KIF13A: variants seen among roughly 807,000 people sequenced by gnomAD.
KIF13A encodes kinesin-like protein KIF13A.
In KIF13A, 79 loss-of-function variants were observed where a neutral mutation model predicts 212.2. That is an observed-to-expected ratio of 0.37 (90% CI 0.31 to 0.45). The LOEUF is 0.45. Ranked by LOEUF, KIF13A falls within the 20% of genes least tolerant of loss-of-function variation. The pLI, the probability that KIF13A is intolerant of heterozygous loss-of-function variation, is 1.00. For missense variants in KIF13A, 1,901 were observed against 2,209.0 expected (o/e 0.86, Z 2.79); for synonymous variants, 789 against 808.6 (o/e 0.98, Z 0.41).
At chr6:17,906,120 A>T (rs1331502236) in intron 2 of KIF13A, among the ~76,000 whole-genome samples, 1 of 152,158 alleles carries the variant, frequency 6.6e-6, no homozygotes, top group African/African-American at 2.4e-5. Flanking sequence ...TGAAAATTTT[A>T]AAAAAGAGAG....
At position 17,897,202 on chromosome 6, in the gene KIF13A, G is replaced by T. The variant is rs1002902192; in HGVS notation, c.159+966C>A. 1.1e-4 allele frequency among the ~76,000 whole-genome samples: 16 copies of T among 152,110 alleles called. No homozygotes were observed. The highest frequency in any genetic ancestry group is 2.2e-4 in the Non-Finnish European group (15 of 68,040). Reference sequence around the variant, plus strand: ...TTTAATGGGTTTCCATAATCCAAGAGCTAAGATGGATTGTTCTTCATAACC... The same window carrying T: ...TTTAATGGGTTTCCATAATCCAAGATCTAAGATGGATTGTTCTTCATAACC... On this transcript the variant is annotated intron_variant, in intron 3 of 38. Transcript: ENST00000259711. The surrounding 1 kb of genome is among the most constrained non-coding windows in gnomAD (Gnocchi z 4.8).
chr6:17,933,698 A>C (rs150268601), intron 2 of KIF13A, among the ~76,000 whole-genome samples: 69 of 152,326 alleles, frequency 4.5e-4, no homozygotes, highest in African/African-American at 1.6e-3. Flanking sequence ...AAAAGCAACT[A>C]CTTTAACAAG....
rs1272454043 is a variant in KIF13A, at chr6:17,786,564, C to T, written c.3362-923G>A. The stretch of plus-strand genomic sequence containing the variant: ...GCAGTGGGCCAAGATCATGCCACTG[C>T]ACTCCAGCCTGGGCGACAGAGGGAG... On this transcript the variant is annotated intron_variant, in intron 27 of 38. Coordinates refer to ENST00000259711, the MANE Select transcript of KIF13A (RefSeq NM_022113.6). This position sits in a 1 kb window ranked among gnomAD's most constrained non-coding sequence, Gnocchi z 5.4. Among the ~76,000 whole-genome samples, 1 of 152,082 alleles carries T rather than the reference C, an allele frequency of 6.6e-6. No individual in the cohort carries two copies. Among genetic ancestry groups the T allele is most frequent in the Non-Finnish European group, 1.5e-5 (1 of 68,024 alleles).
chr6:17,939,595 T>A (rs984575122), intron 2 of KIF13A, among the ~76,000 whole-genome samples: 1 of 152,106 alleles, frequency 6.6e-6, no homozygotes, highest in African/African-American at 2.4e-5. Flanking sequence ...CAGGATGAGG[T>A]AGGCGGTCTG....
Position 17,825,407 on chromosome 6 carries a change from T to A in KIF13A, c.1786+361A>T, listed in dbSNP as rs1006737212. Among the ~76,000 whole-genome samples the A allele has an allele frequency of 1.3e-5, 2 of 152,250 alleles. No homozygotes were observed. Among genetic ancestry groups the A allele is most frequent in the African/African-American group, 4.8e-5 (2 of 41,478 alleles). The stretch of plus-strand genomic sequence containing the variant: ...ATTTGAAATTCCTGAATTTATATTC[T>A]GTTGGGGATTTTCACATTCTCAAGG... On this transcript the variant is annotated intron_variant, in intron 16 of 38. Coordinates refer to ENST00000259711, the MANE Select transcript of KIF13A (RefSeq NM_022113.6). This position sits in a 1 kb window ranked among gnomAD's most constrained non-coding sequence, Gnocchi z 4.5.
intron 2 of KIF13A, among the ~76,000 whole-genome samples, chr6:17,976,745 C>T (rs546660147): frequency 4.4e-4 from 67 of 151,588 alleles, no homozygotes; most frequent in African/African-American, 1.6e-3. Flanking sequence ...CACGCTGTCA[C>T]CTCTCAAAAT....
At chr6:17,847,457 T>C (rs1767186761) in intron 9 of KIF13A, among the ~76,000 whole-genome samples, 1 of 152,210 alleles carries the variant, frequency 6.6e-6, no homozygotes, top group South Asian at 2.1e-4. Flanking sequence ...GCTGTGTCCA[T>C]CTGATAGAGG....
chr6:17,879,180 A>C (rs1306898309), intron 3 of KIF13A, among the ~76,000 whole-genome samples: 1 of 152,128 alleles, frequency 6.6e-6, no homozygotes, highest in Non-Finnish European at 1.5e-5. Flanking sequence ...CTCCCTTGAC[A>C]CTGATTTACA....
At chr6:17,865,494 G>C (rs1018243065) in intron 4 of KIF13A, among the ~76,000 whole-genome samples, 1 of 152,164 alleles carries the variant, frequency 6.6e-6, no homozygotes, top group African/African-American at 2.4e-5. Flanking sequence ...CCTGGACAGC[G>C]CAAGACCAGA....
intron 22 of KIF13A, among the ~76,000 whole-genome samples, chr6:17,797,673 A>G (rs1762160945): frequency 1.3e-5 from 2 of 152,154 alleles, no homozygotes; most frequent in Admixed American, 1.3e-4. Context: ...AGGCAGGAGG[A>G]TAGCTGGACA....
At chr6:17,974,143 G>C (rs982960284) in intron 2 of KIF13A, among the ~76,000 whole-genome samples, 2 of 152,074 alleles carry the variant, frequency 1.3e-5, no homozygotes, top group African/African-American at 4.8e-5. Flanking sequence ...GTGCAATGGC[G>C]TGATCTCAGC....
downstream of KIF13A, among the ~76,000 whole-genome samples, chr6:17,762,347 G>T (rs897666528): frequency 4.6e-5 from 7 of 151,960 alleles, no homozygotes; most frequent in Non-Finnish European, 7.4e-5. Context: ...CGAGTAGCTG[G>T]GACTACAAGC....
chr6:17,825,678 G>T lies in KIF13A; in HGVS notation c.1786+90C>A. The T allele has an allele frequency of 8.2e-7, 1 of 1,216,670 alleles. No homozygotes were observed. Among genetic ancestry groups the T allele is most frequent in the Non-Finnish European group, 1.2e-6 (1 of 865,098 alleles). The allele number at this position is 1,216,670 out of a possible 1,614,324, so 75.4% of individuals were successfully genotyped here. Reference sequence around the variant, plus strand: ...TTTATGTGTTTAAAATGTGGAATGCGGAATGACACCTGATGCATGCTTATC... The same window carrying T: ...TTTATGTGTTTAAAATGTGGAATGCTGAATGACACCTGATGCATGCTTATC... On this transcript the variant is annotated intron_variant, in intron 16 of 38. Coordinates refer to ENST00000259711, the MANE Select transcript of KIF13A (RefSeq NM_022113.6). This position sits in a 1 kb window ranked among gnomAD's most constrained non-coding sequence, Gnocchi z 4.5.
At position 17,794,727 on chromosome 6, in the gene KIF13A, G is replaced by C; in HGVS notation, c.2943-23C>G. The C allele has an allele frequency of 6.3e-7, 1 of 1,599,082 alleles. No individual in the cohort carries two copies. The highest frequency in any genetic ancestry group is 8.5e-7 in the Non-Finnish European group (1 of 1,175,948). On this transcript the variant is annotated intron_variant, in intron 23 of 38. Transcript: ENST00000259711. The surrounding 1 kb of genome is among the most constrained non-coding windows in gnomAD (Gnocchi z 4.1). The stretch of plus-strand genomic sequence containing the variant: ...CACCTGCAGAAACACATTCCAACAA[G>C]CAAGAGCGTCATCGTCCAGGGATAC...
In KIF13A at chr6:17,786,232, T is replaced by C. The variant is rs1180965324; in HGVS notation, c.3362-591A>G. Among the ~76,000 whole-genome samples the C allele has an allele frequency of 2.0e-5, 3 of 152,194 alleles. No homozygotes were observed. Among genetic ancestry groups the C allele is most frequent in the Non-Finnish European group, 4.4e-5 (3 of 68,046 alleles). ...AGTCGTATCTACTTCATGTACTTGC[T>C]GGAAGGATCAAATGAAATACGGATG... On this transcript the variant is annotated intron_variant, in intron 27 of 38. Transcript: ENST00000259711. The surrounding 1 kb of genome is among the most constrained non-coding windows in gnomAD (Gnocchi z 5.4).
intron 2 of KIF13A, among the ~76,000 whole-genome samples, chr6:17,928,777 A>G (rs1462762503): frequency 2.6e-5 from 4 of 152,196 alleles, no homozygotes; most frequent in Admixed American, 6.5e-5. Context: ...TGATGGTTAA[A>G]AAGATGTTCA....
chr6:17,797,424 A>G (rs1271323992), intron 22 of KIF13A, among the ~76,000 whole-genome samples: 1 of 152,218 alleles, frequency 6.6e-6, no homozygotes, highest in Non-Finnish European at 1.5e-5. Context: ...ACATCGTCTT[A>G]CACTTGGTTC....
rs1239726725 is a variant in KIF13A, at chr6:17,826,506, C to T, written c.1533-382G>A. On this transcript the variant is annotated intron_variant, in intron 14 of 38. Transcript: ENST00000259711. The surrounding 1 kb of genome is among the most constrained non-coding windows in gnomAD (Gnocchi z 4.7). Reference sequence around the variant, plus strand: ...TGGGATGCAGTGAGCAAAATCCTGACTGTGGGAACCTCTAGGATCAACAAT... The same window carrying T: ...TGGGATGCAGTGAGCAAAATCCTGATTGTGGGAACCTCTAGGATCAACAAT... Among the ~76,000 whole-genome samples the T allele has an allele frequency of 2.0e-5, 3 of 152,242 alleles. No homozygotes were observed. The highest frequency in any genetic ancestry group is 3.4e-3 in the Middle Eastern group (1 of 294).
intron 3 of KIF13A, among the ~76,000 whole-genome samples, chr6:17,876,623 G>GCAATCATTCATTCATTCATT: frequency 6.6e-6 from 1 of 150,760 alleles, no homozygotes; most frequent in South Asian, 2.1e-4. Flanking sequence ...GTGTGAGACA[G>GCAATCATTCATTCATTCATT]CATTCATTCA....
Sources: allele counts gnomAD v4.1 joint callset (sites outside exome capture counted in the v4.1 genomes callset), GRCh38; gene constraint gnomAD v4.1.1; non-coding constraint Gnocchi (gnomAD v3.1); transcripts MANE v1.5; gene names NCBI Gene and HGNC (gene_info 2026-07-23, HGNC 2026-07-21).